Variants in CNTNAP3B observed in about 807,000 individuals in gnomAD.
CNTNAP3B encodes contactin-associated protein-like 3B.
In CNTNAP3B, 25 loss-of-function variants were observed where a neutral mutation model predicts 108.9. The ratio of observed to expected loss-of-function variants is 0.23; its 90% CI spans 0.17 to 0.32. The LOEUF (loss-of-function observed/expected upper bound fraction) is 0.32. CNTNAP3B is among the 10% of genes least tolerant of loss of function. CNTNAP3B has a pLI of 1.00. For missense variants in CNTNAP3B, 252 were observed against 1,210.4 expected, an observed-to-expected ratio of 0.21 and a Z score of 11.75; for synonymous variants, 103 against 473.4, an observed-to-expected ratio of 0.22 and a Z score of 10.16.
intron 3 of CNTNAP3B, among the ~76,000 whole-genome samples, chr9:42,021,710 T>A (rs1460057021): frequency 4.7e-5 from 5 of 106,276 alleles, no homozygotes; most frequent in African/African-American, 2.1e-4. Context: ...GCTCGTGGCT[T>A]ATCCGGCAGT....
intron 3 of CNTNAP3B, among the ~76,000 whole-genome samples, chr9:42,066,736 GT>G (rs1827273454): frequency 7.6e-6 from 1 of 130,978 alleles, no homozygotes; most frequent in Non-Finnish European, 1.6e-5. Flanking sequence ...TTTCTTATGT[GT>G]GTTTTCAAGG....
chr9:42,056,330 TTATTATTA>T (rs1827068816), intron 3 of CNTNAP3B, among the ~76,000 whole-genome samples: 20 of 44,186 alleles, frequency 4.5e-4, no homozygotes, highest in African/African-American at 1.2e-3. Flanking sequence ...ATGAATTTTA[TTATTATTA>T]TTATTATTAT....
intron 3 of CNTNAP3B, among the ~76,000 whole-genome samples, chr9:42,036,174 G>A (rs1826625804): frequency 6.7e-6 from 1 of 148,668 alleles, no homozygotes; most frequent in African/African-American, 2.5e-5. Flanking sequence ...TAAAAGCATG[G>A]GACTACAGGC....
chr9:41,937,446 C>T (rs1197986115), intron 14 of CNTNAP3B, among the ~76,000 whole-genome samples: 5 of 150,840 alleles, frequency 3.3e-5, no homozygotes, highest in Admixed American at 1.3e-4. Flanking sequence ...TTTTAAAGCA[C>T]GTACTCTACA....
intron 14 of CNTNAP3B, among the ~76,000 whole-genome samples, chr9:41,934,097 TTACA>T (rs1158298393): frequency 0.019 from 384 of 19,978 alleles, 1 homozygote; most frequent in Middle Eastern, 0.038. Flanking sequence ...TGCATATTTG[TTACA>T]TATATATATA....
rs1432163854 is a variant in CNTNAP3B, at chr9:42,094,477, A to G, written c.196+10152T>C. On this transcript the variant is annotated intron_variant, in intron 2 of 23. Transcript: ENST00000377561. ...CAAGACCAGCCTGAGCAACATAATG[A>G]GATCCCATCTTTACAAAAAATATAA... Among the ~76,000 whole-genome samples the G allele has an allele frequency of 3.1e-5, 4 of 129,164 alleles. 2 individuals are homozygous for G. The highest frequency in any genetic ancestry group is 1.3e-4 in the African/African-American group (4 of 31,666). 84.7% of individuals were successfully genotyped at this position (129,164 alleles called of 152,430 possible). A position where few individuals can be genotyped will look rare whatever the true frequency, so the allele number is the denominator to read the frequency against.
At position 42,129,402 on chromosome 9, in the gene CNTNAP3B, G is replaced by A. The variant is rs1417216565; in HGVS notation, c.-308C>T. The A allele has an allele frequency of 9.7e-4, 303 of 313,190 alleles. 22 individuals carry two copies. Among genetic ancestry groups the A allele is most frequent in the African/African-American group, 7.9e-3 (270 of 34,248 alleles). The allele number at this position is 313,190 out of a possible 1,614,324, so 19.4% of individuals were successfully genotyped here. ...GGCGCGTCCCGGACACTAGGCGCGG[G>A]AGGCGGCCGGCACCAACGCGAGTCA... On this transcript the variant is annotated 5_prime_UTR_variant, in exon 1 of 24. Coordinates refer to ENST00000377561, the MANE Select transcript of CNTNAP3B (RefSeq NM_001201380.3).
At chr9:41,935,342 T>C (rs1275703836) in intron 14 of CNTNAP3B, among the ~76,000 whole-genome samples, 2 of 152,264 alleles carry the variant, frequency 1.3e-5, no homozygotes, top group African/African-American at 2.4e-5. Flanking sequence ...TTAACGGACA[T>C]ATGCCTGAAG....
Position 42,034,186 on chromosome 9 carries a change from G to GTATC in CNTNAP3B, c.391-20665_391-20662dup, listed in dbSNP as rs56816783. Reference sequence around the variant, plus strand: ...TATCTATATGTATGTATGTATATATGTATCTATCTATCTATCTATCTATCT... The same window carrying GTATC: ...TATCTATATGTATGTATGTATATATGTATCTATCTATCTATCTATCTATCTATCT... On this transcript the variant is annotated intron_variant, in intron 3 of 23. Transcript: ENST00000377561. Among the ~76,000 whole-genome samples the GTATC allele has an allele frequency of 4.2e-3, 527 of 124,366 alleles. 90 individuals are homozygous for GTATC. Among genetic ancestry groups the GTATC allele is most frequent in the African/African-American group, 9.6e-3 (291 of 30,204 alleles). 81.6% of individuals were successfully genotyped at this position (124,366 alleles called of 152,430 possible). A position where few individuals can be genotyped will look rare whatever the true frequency, so the allele number is the denominator to read the frequency against.
intron 14 of CNTNAP3B, among the ~76,000 whole-genome samples, chr9:41,937,796 T>C (rs1285725761): frequency 6.6e-6 from 1 of 152,022 alleles, no homozygotes; most frequent in East Asian, 1.9e-4. Context: ...AGTCCTTTTA[T>C]GCAGGACCTC....
intron 12 of CNTNAP3B, chr9:41,960,234 G>A (rs1193839217): frequency 2.8e-4 from 46 of 165,336 alleles, no homozygotes; most frequent in Middle Eastern, 3.1e-3. Context: ...TCTCGATCTC[G>A]TGATCTGCCC....
intron 13 of CNTNAP3B, among the ~76,000 whole-genome samples, chr9:41,939,701 C>T (rs1381332286): frequency 8.5e-5 from 13 of 152,280 alleles, no homozygotes; most frequent in African/African-American, 3.1e-4. Flanking sequence ...GCAAAACACT[C>T]ATTATATCCT....
chr9:42,123,897 G>A (rs1228445020), intron 1 of CNTNAP3B, among the ~76,000 whole-genome samples: 1 of 120,804 alleles, frequency 8.3e-6, no homozygotes, highest in East Asian at 2.6e-4. Context: ...ATTTTCTTAG[G>A]GCCTCAATTG....
chr9:42,111,279 A>T (rs1828188543), intron 1 of CNTNAP3B, among the ~76,000 whole-genome samples: 1 of 139,382 alleles, frequency 7.2e-6, no homozygotes, highest in Admixed American at 7.1e-5. Context: ...TCATTCAACA[A>T]ATATTTGTTG....
intron 17 of CNTNAP3B, among the ~76,000 whole-genome samples, 171 bp downstream of exon 17, chr9:41,922,506 G>T (rs536379413): frequency 7.0e-6 from 1 of 142,768 alleles, no homozygotes; most frequent in Non-Finnish European, 1.5e-5. Flanking sequence ...CAAAAGAAAT[G>T]TCACATAAGA....
chr9:41,949,966 C>T (rs866753736), intron 13 of CNTNAP3B, among the ~76,000 whole-genome samples: 844 of 151,406 alleles, frequency 5.6e-3, no homozygotes, highest in African/African-American at 0.02. Flanking sequence ...AAAAAATATT[C>T]GCAAATCACA....
intron 1 of CNTNAP3B, among the ~76,000 whole-genome samples, chr9:42,122,030 C>T: frequency 7.1e-6 from 1 of 139,902 alleles, no homozygotes; most frequent in Non-Finnish European, 1.5e-5. Flanking sequence ...TGGATGTGTG[C>T]ACACGCAGTG....
At chr9:41,918,063 A>C (rs1480471626) in intron 18 of CNTNAP3B, among the ~76,000 whole-genome samples, 1 of 152,278 alleles carries the variant, frequency 6.6e-6, no homozygotes, top group Admixed American at 6.5e-5. Context: ...AATTTTTACT[A>C]GTTATGCCTG....
intron 3 of CNTNAP3B, among the ~76,000 whole-genome samples, chr9:42,035,828 T>A (rs1253231228): frequency 6.8e-6 from 1 of 147,496 alleles, no homozygotes; most frequent in Non-Finnish European, 1.5e-5. Context: ...CAGCTAATTT[T>A]AATTTTTTGT....
Sources: gnomAD v4.1 joint callset for allele counts (sites outside exome capture counted in the v4.1 genomes callset) on GRCh38, gnomAD v4.1.1 for gene constraint, MANE v1.5 for transcripts, NCBI Gene and HGNC (gene_info 2026-07-23, HGNC 2026-07-21) for gene names.